The following IRAG2 variants were observed in gnomAD, a reference collection of about 807,000 sequenced individuals.
The protein encoded by IRAG2 is inositol 1,4,5-triphosphate receptor associated 2.
IRAG2 carries 45 observed loss-of-function variants against 69.9 expected under a neutral mutation model. The ratio of observed to expected loss-of-function variants is 0.64; its 90% CI spans 0.51 to 0.83. The LOEUF is 0.83. IRAG2 is among the 40% of genes least tolerant of loss of function. IRAG2 has a pLI of 0.00. For missense variants in IRAG2, 520 were observed against 587.0 expected, an observed-to-expected ratio of 0.89 and a Z score of 1.18; for synonymous variants, 193 against 202.4, an observed-to-expected ratio of 0.95 and a Z score of 0.40.
At chr12:25,050,560 A>C (rs1368698581), upstream of IRAG2, among the ~76,000 whole-genome samples, 1 of 148,368 alleles carries the variant, frequency 6.7e-6, no homozygotes, top group Non-Finnish European at 1.5e-5. Context: ...AACAAAAAAA[A>C]ACAGTTACAG....
At chr12:25,031,645 CGTGT>C (rs377409117) in intron 10 of IRAG2, among the ~76,000 whole-genome samples, 3 of 151,362 alleles carry the variant, frequency 2.0e-5, no homozygotes, top group Non-Finnish European at 4.4e-5. Flanking sequence ...CCTTTTTGTC[CGTGT>C]GTGTGTGTGT....
chr12:25,059,661 A>T (rs2139952744), intron 1 of IRAG2, among the ~76,000 whole-genome samples: 1 of 151,960 alleles, frequency 6.6e-6, no homozygotes, highest in South Asian at 2.1e-4. Context: ...GCCTAGAAAT[A>T]CTCTTTTAAA....
chr12:25,040,361 G>C (rs1944738306), intron 16 of IRAG2, among the ~76,000 whole-genome samples: 1 of 152,162 alleles, frequency 6.6e-6, no homozygotes, highest in African/African-American at 2.4e-5. Context: ...TTTTAAATGA[G>C]CTGGGCATGG....
chr12:25,072,788 T>TC (rs1020383049), intron 6 of IRAG2, among the ~76,000 whole-genome samples: 5 of 152,166 alleles, frequency 3.3e-5, no homozygotes, highest in African/African-American at 1.2e-4. Context: ...TACCTTTATT[T>TC]CCCCATTGTT....
At chr12:25,057,252 ATTTTTT>A (rs368710047) in intron 1 of IRAG2, among the ~76,000 whole-genome samples, 2 of 89,050 alleles carry the variant, frequency 2.2e-5, no homozygotes, top group African/African-American at 4.6e-5. Context: ...AGGTAGACAG[ATTTTTT>A]TTTTTTTTTT....
At chr12:25,093,413 A>G (rs1391802510) in intron 14 of IRAG2, 1 of 153,196 alleles carries the variant, frequency 6.5e-6, no homozygotes, top group African/African-American at 2.4e-5. Context: ...AAGATGCTGT[A>G]GTTGGAATAG....
chr12:25,068,031 A>G (rs1300188001), intron 5 of IRAG2, among the ~76,000 whole-genome samples: 4 of 152,046 alleles, frequency 2.6e-5, no homozygotes, highest in African/African-American at 9.7e-5. Flanking sequence ...AGTAGAGACA[A>G]GGTTTCGCCA....
intron 15 of IRAG2, among the ~76,000 whole-genome samples, chr12:25,099,089 C>G (rs981889479): frequency 6.6e-6 from 1 of 152,144 alleles, no homozygotes; most frequent in Admixed American, 6.5e-5. Context: ...CACATCTGAT[C>G]TCCATGTGCA....
Position 25,096,975 on chromosome 12 carries a change from T to G in IRAG2, c.672T>G (p.Ser224Arg). 1 of 1,613,298 alleles carries G rather than the reference T, an allele frequency of 6.2e-7. No homozygotes were observed. Among genetic ancestry groups the G allele is most frequent in the Non-Finnish European group, 8.5e-7 (1 of 1,179,524 alleles). ...AAATCATTAAGAAGCTGGAGAAGAG[T>G]ATAAAGTTTCTTAGCCAGTGTGCAG... ...AQEIIKKLEK[S>R]IKFLSQCAAR... The change falls in exon 15 of 22, where the codon AGT becomes AGG. Residue 224 changes from serine (S) to arginine (R), a missense_variant. Transcript: ENST00000556887.
At chr12:25,048,111 C>T (rs530156025), upstream of IRAG2, among the ~76,000 whole-genome samples, 3 of 152,272 alleles carry the variant, frequency 2.0e-5, no homozygotes, top group Admixed American at 6.5e-5. Context: ...TTCTCTGCAA[C>T]CTCACCAGCA....
intron 9 of IRAG2, among the ~76,000 whole-genome samples, chr12:25,082,557 G>A (rs891364325): frequency 6.6e-6 from 1 of 151,288 alleles, no homozygotes; most frequent in Non-Finnish European, 1.5e-5. Context: ...CTGAGACTGC[G>A]CCACTGCCCT....
chr12:25,024,340 A>G (rs1417951852), intron 8 of IRAG2, among the ~76,000 whole-genome samples: 2 of 152,260 alleles, frequency 1.3e-5, no homozygotes, highest in Admixed American at 6.5e-5. Context: ...CTGGGCTAAT[A>G]GTACCTATGC....
intron 14 of IRAG2, among the ~76,000 whole-genome samples, chr12:25,094,053 C>G (rs943034051): frequency 6.6e-6 from 1 of 151,184 alleles, no homozygotes; most frequent in Non-Finnish European, 1.5e-5. Context: ...TTTCTGTTGA[C>G]TGGGTCCTTT....
intron 1 of IRAG2, 27 bp downstream of exon 1, chr12:25,052,983 C>T (rs369234087): frequency 2.5e-6 from 1 of 398,412 alleles, no homozygotes; most frequent in East Asian, 3.6e-5. Flanking sequence ...CATTTATGAC[C>T]CAGTTTTTGT....
exon 1 of IRAG2, chr12:25,004,419 C>G: frequency 8.1e-7 from 1 of 1,232,120 alleles, no homozygotes; most frequent in Non-Finnish European, 1.0e-6. Flanking sequence ...GAGCCATCCA[C>G]AAGAGAGAAG....
At chr12:25,027,245 C>A (rs1591929845) in intron 9 of IRAG2, among the ~76,000 whole-genome samples, 1 of 152,158 alleles carries the variant, frequency 6.6e-6, no homozygotes, top group South Asian at 2.1e-4. Flanking sequence ...AGCCACTAAT[C>A]TATTGTCTGT....
chr12:25,033,844 C>T (rs1450608635), intron 12 of IRAG2: 1 of 398,748 alleles, frequency 2.5e-6, no homozygotes, highest in African/African-American at 2.1e-5. Flanking sequence ...TTGTTTTTCT[C>T]AAGAAATGGG....
upstream of IRAG2, among the ~76,000 whole-genome samples, chr12:25,049,753 G>GAGAC (rs2139871598): frequency 6.6e-6 from 1 of 151,998 alleles, no homozygotes; most frequent in East Asian, 1.9e-4. Context: ...TTGGGAGGCT[G>GAGAC]AGGCGGATCA....
intron 3 of IRAG2, among the ~76,000 whole-genome samples, chr12:25,013,445 T>G (rs1944493371): frequency 1.3e-5 from 2 of 152,174 alleles, no homozygotes; most frequent in African/African-American, 4.8e-5. Context: ...GCCACTACAC[T>G]TCAGCCTGGG....
Sources: gnomAD v4.1 joint callset for allele counts (sites outside exome capture counted in the v4.1 genomes callset) on GRCh38, gnomAD v4.1.1 for gene constraint, MANE v1.5 for transcripts, NCBI Gene and HGNC (gene_info 2026-07-23, HGNC 2026-07-21) for gene names.